ITPRID1: variants seen among roughly 807,000 people sequenced by gnomAD.
ITPRID1 encodes ITPR interacting domain containing 1.
In ITPRID1, 96 loss-of-function variants were observed where a neutral mutation model predicts 95.4. The observed-to-expected ratio is 1.01, with a 90% CI of 0.85 to 1.19. The LOEUF is 1.19. Ranked by LOEUF, ITPRID1 falls within the 50% of genes most tolerant of loss-of-function variation. The pLI, the probability that ITPRID1 is intolerant of heterozygous loss-of-function variation, is 0.00. For synonymous variants in ITPRID1, 510 were observed against 453.6 expected (o/e 1.12, Z -1.58); for missense variants, 1,339 against 1,252.9 (o/e 1.07, Z -1.04).
Position 31,629,787 on chromosome 7 carries a change from G to C in ITPRID1, c.1229-12389G>C, listed in dbSNP as rs1788827196. Among the ~76,000 whole-genome samples the C allele has an allele frequency of 2.0e-5, 3 of 152,208 alleles. No individual in the cohort carries two copies. The South Asian group carries it at 6.2e-4, about 32-fold the overall frequency. On this transcript the variant is annotated intron_variant, in intron 10 of 14. Transcript: ENST00000615280. ...TGTGCCTTTCAAGTTGTCATATGAA[G>C]CAACACTTCAGATAAGAAAGGCCTC...
intron 1 of ITPRID1, among the ~76,000 whole-genome samples, chr7:31,533,889 C>G (rs1783677909): frequency 6.6e-6 from 1 of 151,982 alleles, no homozygotes; most frequent in Non-Finnish European, 1.5e-5. Context: ...GTCAGGGGTC[C>G]CCAACCCCAG....
At chr7:31,570,571 C>T (rs1784950248) in intron 6 of ITPRID1, among the ~76,000 whole-genome samples, 2 of 152,140 alleles carry the variant, frequency 1.3e-5, no homozygotes, top group Non-Finnish European at 2.9e-5. Context: ...CCCTAAAATG[C>T]TATTTGTCAT....
chr7:31,546,288 A>G (rs531167785), intron 1 of ITPRID1, among the ~76,000 whole-genome samples: 1 of 152,114 alleles, frequency 6.6e-6, no homozygotes, highest in African/African-American at 2.4e-5. Flanking sequence ...TGGGAGGCAC[A>G]TAAGAGAAGG....
intron 10 of ITPRID1, among the ~76,000 whole-genome samples, chr7:31,612,448 AATG>A (rs1266928416): frequency 6.6e-6 from 1 of 152,116 alleles, no homozygotes; most frequent in Admixed American, 6.6e-5. Flanking sequence ...GGACATTTAA[AATG>A]ATATGATAAT....
intron 10 of ITPRID1, among the ~76,000 whole-genome samples, chr7:31,607,732 T>G (rs1303625287): frequency 2.3e-5 from 1 of 44,200 alleles, no homozygotes; most frequent in Non-Finnish European, 4.8e-5. Context: ...AGCACAAATT[T>G]TCTTTTTCAA....
chr7:31,646,597 T>A (rs1384316396), intron 12 of ITPRID1, among the ~76,000 whole-genome samples: 2 of 152,164 alleles, frequency 1.3e-5, no homozygotes, highest in Non-Finnish European at 2.9e-5. Context: ...TCCTCCTTCC[T>A]AGTGTCAAAA....
intron 5 of ITPRID1, among the ~76,000 whole-genome samples, chr7:31,568,391 C>T (rs1784871858): frequency 6.6e-6 from 1 of 152,142 alleles, no homozygotes; most frequent in Non-Finnish European, 1.5e-5. Flanking sequence ...TTAAATCATT[C>T]AGGATTGCTT....
chr7:31,642,435 G>T (rs967528875), intron 11 of ITPRID1, among the ~76,000 whole-genome samples, 177 bp downstream of exon 11: 5 of 152,206 alleles, frequency 3.3e-5, no homozygotes, highest in African/African-American at 4.8e-5. Context: ...AGGGGCAGAG[G>T]ATGATGGAGT....
intron 2 of ITPRID1, among the ~76,000 whole-genome samples, chr7:31,551,303 A>C (rs1784278819): frequency 7.0e-6 from 1 of 143,616 alleles, no homozygotes; most frequent in African/African-American, 2.5e-5. Context: ...GTGAAGCTAA[A>C]TAACTAAAAT....
At chr7:31,649,125 G>A (rs1400983997) in intron 12 of ITPRID1, among the ~76,000 whole-genome samples, 2 of 152,208 alleles carry the variant, frequency 1.3e-5, no homozygotes, top group African/African-American at 2.4e-5. Flanking sequence ...TGCAAAATAC[G>A]TTATTCAGTA....
intron 6 of ITPRID1, among the ~76,000 whole-genome samples, chr7:31,571,500 A>G (rs1270816251): frequency 6.6e-6 from 1 of 152,242 alleles, no homozygotes; most frequent in East Asian, 1.9e-4. Context: ...AGCTATATGT[A>G]TAAAACTGAA....
At chr7:31,582,974 A>G (rs1171222612) in intron 9 of ITPRID1, among the ~76,000 whole-genome samples, 160 bp from the exon 10 acceptor site, 1 of 152,152 alleles carries the variant, frequency 6.6e-6, no homozygotes, top group Non-Finnish European at 1.5e-5. Flanking sequence ...TTGAATCTTC[A>G]TCATCCCCGG....
At chr7:31,554,820 C>T (rs1252994657) in intron 4 of ITPRID1, 38 bp from the exon 5 acceptor site, 1 of 1,485,522 alleles carries the variant, frequency 6.7e-7, no homozygotes, top group South Asian at 1.2e-5. Context: ...TTTATTTACA[C>T]ACATTGTTTG....
intron 1 of ITPRID1, chr7:31,529,688 C>A (rs1284994602): frequency 9.4e-6 from 12 of 1,275,520 alleles, no homozygotes; most frequent in Non-Finnish European, 1.3e-5. Context: ...GTTCTGCAGT[C>A]ACAAGGGCTT....
At chr7:31,605,754 A>T in intron 10 of ITPRID1, among the ~76,000 whole-genome samples, 1 of 151,962 alleles carries the variant, frequency 6.6e-6, no homozygotes, top group East Asian at 1.9e-4. Flanking sequence ...TTCCCCTTCT[A>T]CTCTTCCTGG....
intron 10 of ITPRID1, among the ~76,000 whole-genome samples, chr7:31,610,988 GTCATT>G (rs1435109246): frequency 2.0e-5 from 3 of 150,958 alleles, no homozygotes. Flanking sequence ...ATTTATGTCT[GTCATT>G]TCATTATATG....
chr7:31,600,249 C>A (rs1786335743), intron 10 of ITPRID1, among the ~76,000 whole-genome samples: 1 of 152,160 alleles, frequency 6.6e-6, no homozygotes, highest in Non-Finnish European at 1.5e-5. Context: ...AAGCACATTG[C>A]TTTCTGGAAG....
intron 5 of ITPRID1, among the ~76,000 whole-genome samples, chr7:31,559,183 A>G (rs1005879629): frequency 6.6e-6 from 1 of 152,124 alleles, no homozygotes; most frequent in Non-Finnish European, 1.5e-5. Context: ...AAATATTTTC[A>G]TAAATGAGCT....
chr7:31,618,859 T>TTATTATAAAA (rs1482147071), intron 10 of ITPRID1, among the ~76,000 whole-genome samples: 2 of 152,210 alleles, frequency 1.3e-5, no homozygotes, highest in Non-Finnish European at 2.9e-5. Context: ...GATTATCACT[T>TTATTATAAAA]TATTATAAAA....
Sources: gnomAD v4.1 joint callset for allele counts (sites outside exome capture counted in the v4.1 genomes callset) on GRCh38, gnomAD v4.1.1 for gene constraint, MANE v1.5 for transcripts, NCBI Gene and HGNC (gene_info 2026-07-23, HGNC 2026-07-21) for gene names.